The following PPARGC1A variants were observed in gnomAD, a reference collection of about 807,000 sequenced individuals.
PPARGC1A encodes the protein PPARG coactivator 1 alpha.
PPARGC1A carries 25 observed loss-of-function variants against 88.7 expected under a neutral mutation model. That is an observed-to-expected ratio of 0.28 (90% CI 0.21 to 0.39). The LOEUF (loss-of-function observed/expected upper bound fraction) is 0.39. PPARGC1A is among the 10% of genes least tolerant of loss of function. The pLI is 1.00. For synonymous variants in PPARGC1A, 363 were observed against 355.6 expected, an observed-to-expected ratio of 1.02 and a Z score of -0.24; for missense variants, 880 against 968.7, an observed-to-expected ratio of 0.91 and a Z score of 1.22.
At chr4:24,462,737 G>A in the PPARGC1A span, among the ~76,000 whole-genome samples, 1 of 150,626 alleles carries the variant, frequency 6.6e-6, no homozygotes, top group Non-Finnish European at 1.5e-5. Flanking sequence ...ATAATTTGCT[G>A]AGAATCTAGT....
At chr4:24,130,375 T>G in the PPARGC1A span, among the ~76,000 whole-genome samples, 1,911 of 152,276 alleles carry the variant, frequency 0.013, 44 homozygotes, top group African/African-American at 0.043. Flanking sequence ...CTGGGCAATC[T>G]GAGACCAAAA....
chr4:24,338,614 C>G, the PPARGC1A span, among the ~76,000 whole-genome samples: 2 of 152,166 alleles, frequency 1.3e-5, no homozygotes, highest in African/African-American at 4.8e-5. Flanking sequence ...TACCAACCCC[C>G]GTTTCAAGTC....
chr4:23,825,948 A>G (rs1723854725), intron 5 of PPARGC1A, among the ~76,000 whole-genome samples: 1 of 152,234 alleles, frequency 6.6e-6, no homozygotes, highest in Non-Finnish European at 1.5e-5. Flanking sequence ...ACTAATAATT[A>G]GGATAATTCA....
the PPARGC1A span, among the ~76,000 whole-genome samples, chr4:24,209,984 T>G: frequency 6.6e-6 from 1 of 152,190 alleles, no homozygotes; most frequent in Non-Finnish European, 1.5e-5. Context: ...GGTTTAACCA[T>G]CTGTAAAACG....
the PPARGC1A span, among the ~76,000 whole-genome samples, chr4:24,393,355 G>A: frequency 0.013 from 2,010 of 150,716 alleles, 43 homozygotes; most frequent in African/African-American, 0.047. Flanking sequence ...AAGAAGCCAC[G>A]GAGATAGATT....
the PPARGC1A span, among the ~76,000 whole-genome samples, chr4:24,195,993 A>G: frequency 2.0e-5 from 3 of 152,176 alleles, no homozygotes; most frequent in Admixed American, 2.0e-4. Flanking sequence ...ACCACACTAA[A>G]TCTCTCTGCT....
At chr4:24,328,110 ACT>A in the PPARGC1A span, among the ~76,000 whole-genome samples, 2 of 150,918 alleles carry the variant, frequency 1.3e-5, no homozygotes, top group East Asian at 2.0e-4. Context: ...CCCTTCGCTG[ACT>A]CTCTTTTCAG....
At chr4:24,129,673 C>T in the PPARGC1A span, among the ~76,000 whole-genome samples, 1 of 152,162 alleles carries the variant, frequency 6.6e-6, no homozygotes, top group African/African-American at 2.4e-5. Flanking sequence ...ATAAATCATG[C>T]TGCTATAAAG....
At chr4:23,890,077 A>T, upstream of PPARGC1A, 2 of 1,494,330 alleles carry the variant, frequency 1.3e-6, no homozygotes, top group South Asian at 2.8e-5. Context: ...CTGTCTTACT[A>T]CAGTCCCCAG....
the PPARGC1A span, among the ~76,000 whole-genome samples, chr4:24,276,884 T>C: frequency 6.6e-6 from 1 of 152,084 alleles, no homozygotes; most frequent in Non-Finnish European, 1.5e-5. Flanking sequence ...GACAGATACA[T>C]GGAGTCTAGG....
At chr4:24,427,596 A>T in the PPARGC1A span, among the ~76,000 whole-genome samples, 1 of 152,098 alleles carries the variant, frequency 6.6e-6, no homozygotes, top group Admixed American at 6.6e-5. Flanking sequence ...GACCTGCCCA[A>T]CGGTGCTGGA....
At chr4:24,224,069 G>GT in the PPARGC1A span, among the ~76,000 whole-genome samples, 1 of 152,204 alleles carries the variant, frequency 6.6e-6, no homozygotes, top group Non-Finnish European at 1.5e-5. Context: ...TCCAGTAAGA[G>GT]TTGAGTAGGG....
chr4:24,163,913 C>T, the PPARGC1A span, among the ~76,000 whole-genome samples: 1 of 152,174 alleles, frequency 6.6e-6, no homozygotes, highest in Non-Finnish European at 1.5e-5. Flanking sequence ...ACTTGAAATT[C>T]CATTACTGTT....
At chr4:24,413,986 G>C in the PPARGC1A span, among the ~76,000 whole-genome samples, 1 of 152,092 alleles carries the variant, frequency 6.6e-6, no homozygotes, top group African/African-American at 2.4e-5. Context: ...TGACAAGGCT[G>C]GTAAAAAGCA....
chr4:23,814,085 G>A lies in PPARGC1A; in HGVS notation c.1398C>T (p.Phe466=), dbSNP rs754478980. 1.5e-5 allele frequency: 24 copies of A among 1,613,982 alleles called. No individual in the cohort carries two copies. Among genetic ancestry groups the A allele is most frequent in the Middle Eastern group, 1.6e-4 (1 of 6,080 alleles). ...CAAAAACAGCTTGACTGGGATGACC[G>A]AAGTGCTTGTTCAGCTCGGCTCGGA... The part of the protein sequence containing the change: ...QEIRAELNKH[F]GHPSQAVFDD... The change falls in exon 8 of 13, where the codon TTC becomes TTT. Residue 466 remains phenylalanine, a synonymous_variant. Coordinates refer to ENST00000264867, the MANE Select transcript of PPARGC1A (RefSeq NM_013261.5).
the PPARGC1A span, among the ~76,000 whole-genome samples, chr4:24,438,312 C>T: frequency 7.4e-4 from 112 of 152,228 alleles, 1 homozygote; most frequent in African/African-American, 2.5e-3. Flanking sequence ...AATGAAGGGA[C>T]CATTATCCCA....
intron 1 of PPARGC1A, among the ~76,000 whole-genome samples, chr4:23,885,520 A>G (rs1716720961): frequency 1.3e-5 from 2 of 152,168 alleles, no homozygotes; most frequent in African/African-American, 4.8e-5. Context: ...TATTTAAATC[A>G]TTTACTCTTA....
At chr4:24,436,728 C>T in the PPARGC1A span, among the ~76,000 whole-genome samples, 1 of 139,620 alleles carries the variant, frequency 7.2e-6, no homozygotes, top group African/African-American at 2.8e-5. Context: ...ATCGATTGGC[C>T]ACCCCAGAGC....
chr4:24,158,888 A>C, the PPARGC1A span, among the ~76,000 whole-genome samples: 1 of 152,200 alleles, frequency 6.6e-6, no homozygotes, highest in African/African-American at 2.4e-5. Flanking sequence ...AATATATATA[A>C]TATTTCAATC....
Sources: gnomAD v4.1 joint callset for allele counts (sites outside exome capture counted in the v4.1 genomes callset) on GRCh38, gnomAD v4.1.1 for gene constraint, MANE v1.5 for transcripts, NCBI Gene and HGNC (gene_info 2026-07-23, HGNC 2026-07-21) for gene names.